The following STPG2 variants were observed in gnomAD, a reference collection of about 807,000 sequenced individuals.
STPG2 encodes sperm tail PG-rich repeat containing 2.
STPG2 carries 56 observed loss-of-function variants against 54.2 expected under a neutral mutation model. The observed-to-expected ratio is 1.03, with a 90% CI of 0.83 to 1.29. STPG2 has a LOEUF of 1.29. Among genes scored for constraint, STPG2 ranks in the 50% most tolerant of loss-of-function variants. The probability of loss-of-function intolerance (pLI) is 0.00; values close to 1 mark genes in which losing one functional copy is unlikely to be tolerated. For missense variants in STPG2, 596 were observed against 544.9 expected (o/e 1.09, Z -0.93); for synonymous variants, 200 against 181.8 (o/e 1.10, Z -0.81).
chr4:97,676,188 C>G (rs1018897005), intron 10 of STPG2, among the ~76,000 whole-genome samples: 7 of 150,370 alleles, frequency 4.7e-5, no homozygotes, highest in Non-Finnish European at 1.0e-4. Context: ...CTGTATGATT[C>G]GAGACTATTC....
intron 4 of STPG2, among the ~76,000 whole-genome samples, chr4:97,553,445 A>G (rs1732010372): frequency 6.6e-6 from 1 of 152,160 alleles, no homozygotes; most frequent in African/African-American, 2.4e-5. Context: ...AAGTTATGCA[A>G]GCAGTTTTAT....
intron 9 of STPG2, among the ~76,000 whole-genome samples, chr4:97,793,984 A>T (rs1727087929): frequency 6.6e-6 from 1 of 152,066 alleles, no homozygotes; most frequent in Admixed American, 6.5e-5. Flanking sequence ...TTTTTATTTT[A>T]AAAAATGCAT....
Position 97,484,939 on chromosome 4 carries a change from A to G in STPG2, c.462+227760T>C, listed in dbSNP as rs1578334878. Among the ~76,000 whole-genome samples the G allele has an allele frequency of 3.3e-5, 5 of 152,120 alleles. No homozygotes were observed. In the East Asian group the frequency reaches 9.7e-4, roughly 29 times the overall value. On this transcript the variant is annotated intron_variant, in intron 4 of 4. Transcript: ENST00000522676. ...TCAATAAATGTGATACACCACATAA[A>G]CAGAATTAAAAACAAAAATCACATG...
At chr4:97,701,789 T>A (rs976870379) in intron 10 of STPG2, among the ~76,000 whole-genome samples, 19 of 152,220 alleles carry the variant, frequency 1.2e-4, no homozygotes. Flanking sequence ...TAAGTCAGAC[T>A]ATTCTGACTG....
intron 4 of STPG2, among the ~76,000 whole-genome samples, chr4:97,486,960 T>C (rs189059022): frequency 3.3e-4 from 50 of 149,754 alleles, no homozygotes; most frequent in Admixed American, 3.2e-3. Flanking sequence ...CTGGATGAGA[T>C]TGGAGACTAT....
chr4:97,964,128 A>G (rs1279396754), intron 7 of STPG2, among the ~76,000 whole-genome samples: 8 of 152,180 alleles, frequency 5.3e-5, no homozygotes, highest in Non-Finnish European at 1.2e-4. Flanking sequence ...GAAAAATGCA[A>G]AACTCCTGAG....
intron 10 of STPG2, among the ~76,000 whole-genome samples, chr4:97,561,699 T>G (rs1361389831): frequency 6.6e-6 from 1 of 152,230 alleles, no homozygotes; most frequent in Non-Finnish European, 1.5e-5. Flanking sequence ...AAATAGGGAA[T>G]CCTTTCCCCA....
At chr4:97,927,936 T>C (rs1405505604) in intron 8 of STPG2, among the ~76,000 whole-genome samples, 4 of 152,154 alleles carry the variant, frequency 2.6e-5, no homozygotes, top group Non-Finnish European at 5.9e-5. Flanking sequence ...TTTGTGGTTT[T>C]TAATAATTTA....
chr4:98,126,429 A>G (rs1739830246), intron 3 of STPG2, among the ~76,000 whole-genome samples: 1 of 152,224 alleles, frequency 6.6e-6, no homozygotes. Context: ...GCAAAGATCC[A>G]TGAGAAAAGT....
In STPG2 at chr4:97,675,364, T is replaced by A. The variant is rs189006634; in HGVS notation, c.1320+37335A>T. 2.3e-4 allele frequency among the ~76,000 whole-genome samples: 35 copies of A among 152,230 alleles called. No homozygotes were observed. In the East Asian group the frequency reaches 5.8e-3, roughly 25 times the overall value. On this transcript the variant is annotated intron_variant, in intron 10 of 10. Transcript: ENST00000295268. ...AGTTTCTATGATTATATGAATTAAT[T>A]ATATTTGCAAGCCTGAAACTTCATA...
chr4:97,619,148 G>C (rs1364273082), intron 10 of STPG2, among the ~76,000 whole-genome samples: 4 of 152,052 alleles, frequency 2.6e-5, no homozygotes, highest in Admixed American at 2.6e-4. Context: ...CATCTGAAAA[G>C]CTGTTTTTGC....
intron 5 of STPG2, among the ~76,000 whole-genome samples, chr4:98,030,005 G>C (rs745653240): frequency 2.6e-5 from 4 of 152,060 alleles, no homozygotes; most frequent in Non-Finnish European, 5.9e-5. Context: ...ACCTTGGAGG[G>C]GATATTTTGA....
chr4:97,679,829 T>G (rs1722973452), intron 10 of STPG2, among the ~76,000 whole-genome samples: 1 of 152,168 alleles, frequency 6.6e-6, no homozygotes, highest in Admixed American at 6.5e-5. Context: ...GGATCCAGTT[T>G]CAGCTTTCTA....
At chr4:97,897,938 T>C (rs529998110) in intron 8 of STPG2, among the ~76,000 whole-genome samples, 60 of 152,194 alleles carry the variant, frequency 3.9e-4, no homozygotes, top group Non-Finnish European at 7.2e-4. Flanking sequence ...TTTTTGCTTT[T>C]GTGTAATTGC....
At chr4:97,572,280 CA>C (rs1732620107) in intron 10 of STPG2, among the ~76,000 whole-genome samples, 1 of 152,136 alleles carries the variant, frequency 6.6e-6, no homozygotes, top group South Asian at 2.1e-4. Context: ...TACAGCCATT[CA>C]GTTACTTCAG....
chr4:97,615,958 A>C (rs1733850181), intron 10 of STPG2, among the ~76,000 whole-genome samples: 1 of 147,926 alleles, frequency 6.8e-6, no homozygotes, highest in Non-Finnish European at 1.5e-5. Flanking sequence ...AATCACTTGA[A>C]CCTGGGAAGT....
chr4:97,907,676 A>G (rs1731495550), intron 8 of STPG2, among the ~76,000 whole-genome samples: 1 of 152,200 alleles, frequency 6.6e-6, no homozygotes, highest in East Asian at 1.9e-4. Flanking sequence ...AGAGATATAG[A>G]CCAATGGAAC....
At chr4:97,849,451 A>G (rs1002515753) in intron 8 of STPG2, among the ~76,000 whole-genome samples, 1 of 152,072 alleles carries the variant, frequency 6.6e-6, no homozygotes, top group Non-Finnish European at 1.5e-5. Flanking sequence ...GCTTCTGCAC[A>G]GTGAAAGAAA....
chr4:97,994,190 A>ATTCC (rs1351968581), intron 5 of STPG2, among the ~76,000 whole-genome samples: 5 of 152,120 alleles, frequency 3.3e-5, no homozygotes, highest in Non-Finnish European at 7.4e-5. Flanking sequence ...AGTTCAAAGA[A>ATTCC]TTTTTTAATT....
Sources: gnomAD v4.1 joint callset for allele counts (sites outside exome capture counted in the v4.1 genomes callset) on GRCh38, gnomAD v4.1.1 for gene constraint, MANE v1.5 for transcripts, NCBI Gene and HGNC (gene_info 2026-07-23, HGNC 2026-07-21) for gene names.